Variants in PIGQ observed in about 807,000 individuals in gnomAD.
PIGQ encodes the protein phosphatidylinositol glycan anchor biosynthesis class Q.
PIGQ carries 54 observed loss-of-function variants against 60.3 expected under a neutral mutation model. The observed-to-expected ratio is 0.90, with a 90% confidence interval of 0.72 to 1.12. The LOEUF (loss-of-function observed/expected upper bound fraction) is 1.12. PIGQ is among the 50% of genes most tolerant of loss of function. The pLI, the probability that PIGQ is intolerant of heterozygous loss-of-function variation, is 0.00. For synonymous variants in PIGQ, 416 were observed against 363.7 expected (o/e 1.14, Z -1.64); for missense variants, 799 against 793.5 (o/e 1.01, Z -0.08).
At position 578,807 on chromosome 16, in the gene PIGQ, C is replaced by T. The variant is rs1440647454; in HGVS notation, c.1092C>T (p.Pro364=). The change falls in exon 6 of 11, where the codon CCC becomes CCT. Residue 364 remains proline, a synonymous_variant. Coordinates refer to ENST00000321878, the MANE Select transcript of PIGQ (RefSeq NM_004204.5). Reference sequence around the variant, plus strand: ...CAGGCTACATCCACCTCATGTCCCCCTTCGTGGAGCACATCCTTTGGCACG... The same window carrying T: ...CAGGCTACATCCACCTCATGTCCCCTTTCGTGGAGCACATCCTTTGGCACG... ...LWISYIHLMS[P]FVEHILWHVG... 6.2e-7 allele frequency: 1 copy of T among 1,613,652 alleles called. No individual in the cohort carries two copies. Among genetic ancestry groups the T allele is most frequent in the African/African-American group, 1.3e-5 (1 of 74,950 alleles).
At position 574,447 on chromosome 16, in the gene PIGQ, CAGG is replaced by C; in HGVS notation, c.374_376del (p.Gln125_Val126delinsLeu). 6.2e-7 allele frequency: 1 copy of C among 1,610,920 alleles called. No homozygotes were observed. Among genetic ancestry groups the C allele is most frequent in the Non-Finnish European group, 8.5e-7 (1 of 1,179,252 alleles). Reference sequence around the variant, plus strand: ...TGCCCCCGGTGCCCCTGGTGAGGACCAGGTCATGCTCATCTTCTATGACCAGCG... The same window carrying C: ...TGCCCCCGGTGCCCCTGGTGAGGACCTCATGCTCATCTTCTATGACCAGCG... On this transcript the variant is annotated inframe_deletion, in exon 2 of 11. Transcript: ENST00000321878.
chr16:583,785 T>C lies in PIGQ; in HGVS notation c.*750T>C, dbSNP rs1007396590. The C allele has an allele frequency of 2.0e-5, 17 of 856,800 alleles. No individual in the cohort carries two copies. The highest frequency in any genetic ancestry group is 2.9e-5 in the Non-Finnish European group (15 of 523,664). The allele number at this position is 856,800 out of a possible 1,614,324, so 53.1% of individuals were successfully genotyped here. ...CTGCGGCCAAATCTGTCTCCCTTCA[T>C]GGGCCTCCCAGGGAAGGAGGAAGCC... On this transcript the variant is annotated 3_prime_UTR_variant, in exon 11 of 11. Transcript: ENST00000321878.
At chr16:581,926 G>A in intron 9 of PIGQ, 1 of 377,644 alleles carries the variant, frequency 2.6e-6, no homozygotes, top group Non-Finnish European at 5.1e-6. Context: ...ATCACACCCG[G>A]CTAATTTTTG....
rs116181025 is a variant in PIGQ, at chr16:572,516, C to A, written c.-9-1550C>A. On this transcript the variant is annotated intron_variant, in intron 1 of 10. Transcript: ENST00000321878. ...CCTCCAAGCTTCGGGAGAGGACTTA[C>A]AGGTCACACCACCCCGACGTGTGCA... The A allele has an allele frequency of 1.6e-3, 710 of 456,242 alleles. 4 individuals carry two copies. The highest frequency in any genetic ancestry group is 0.013 in the African/African-American group (635 of 50,172). The allele number at this position is 456,242 out of a possible 1,614,324, so 28.3% of individuals were successfully genotyped here. A position where few individuals can be genotyped will look rare whatever the true frequency, so the allele number is the denominator to read the frequency against.
chr16:574,795 AGTGGG>A (rs2035693479), intron 2 of PIGQ, 32 bp downstream of exon 2: 2 of 1,477,182 alleles, frequency 1.4e-6, no homozygotes, highest in Non-Finnish European at 1.8e-6. Flanking sequence ...GGTGGCAAAG[AGTGGG>A]GTCCCATGAG....
chr16:582,686 C>T, intron 10 of PIGQ, 197 bp from the exon 11 acceptor site: 1 of 664,142 alleles, frequency 1.5e-6, no homozygotes, highest in Non-Finnish European at 2.6e-6. Context: ...GGAGATGCAG[C>T]TTCTGCCTCC....
At chr16:576,318 A>G in intron 4 of PIGQ, 64 bp downstream of exon 4, 1 of 1,501,184 alleles carries the variant, frequency 6.7e-7, no homozygotes, top group Non-Finnish European at 8.9e-7. Context: ...TGGGCAGCAG[A>G]GCCTTCCCGG....
Position 579,255 on chromosome 16 carries a change from G to A in PIGQ, c.1335+75G>A. On this transcript the variant is annotated intron_variant, in intron 7 of 10. Coordinates refer to ENST00000321878, the MANE Select transcript of PIGQ (RefSeq NM_004204.5). The stretch of plus-strand genomic sequence containing the variant: ...CCCGCTGGGCCAGCGCGGTGCTTGG[G>A]CACCACAAGGGGGCAGCCTGCTCCC... The A allele has an allele frequency of 2.5e-6, 3 of 1,211,032 alleles. No homozygotes were observed. The South Asian group carries it at 3.7e-5, about 15-fold the overall frequency. The allele number at this position is 1,211,032 out of a possible 1,614,324, so 75.0% of individuals were successfully genotyped here.
chr16:578,473 G>A lies in PIGQ; in HGVS notation c.1037G>A (p.Arg346His), dbSNP rs148226378. 4.0e-5 allele frequency: 65 copies of A among 1,612,502 alleles called. No individual in the cohort carries two copies. Among genetic ancestry groups the A allele is most frequent in the South Asian group, 8.8e-5 (8 of 91,080 alleles). ...CGTGCACTGGACCAGGTGCTGGGCC[G>A]CTTCTTCCTCTACCACATCCACCTG... ...MNRALDQVLG[R>H]FFLYHIHLWI... is the part of the protein sequence containing the mutation. The change falls in exon 5 of 11, where the codon CGC becomes CAC. Residue 346 changes from arginine (R) to histidine (H), a missense_variant. Transcript: ENST00000321878.
At position 574,511 on chromosome 16, in the gene PIGQ, T is replaced by A; in HGVS notation, c.437T>A (p.Val146Asp). 1.9e-6 allele frequency: 3 copies of A among 1,608,158 alleles called. No individual in the cohort carries two copies. Among genetic ancestry groups the A allele is most frequent in the South Asian group, 1.1e-5 (1 of 90,234 alleles). Residue 146 changes from valine to aspartate, a missense_variant, in exon 2 of 11, where the codon GTC (valine) becomes GAC (aspartate). Transcript: ENST00000321878. ...VLLSQLHLPT[V>D]LPDRQAGATT... is the part of the protein sequence containing the mutation. The stretch of plus-strand genomic sequence containing the variant: ...CTGTCACAGCTACACCTGCCCACCG[T>A]CCTGCCCGACCGCCAGGCTGGAGCC...
At chr16:579,971 C>T (rs943605585) in intron 7 of PIGQ, 71 of 463,220 alleles carry the variant, frequency 1.5e-4, no homozygotes, top group Middle Eastern at 5.6e-4. Context: ...GGTGGTCTGG[C>T]CCCCACCTGT....
At chr16:582,829 C>T in intron 10 of PIGQ, 54 bp from the exon 11 acceptor site, 5 of 1,533,858 alleles carry the variant, frequency 3.3e-6, no homozygotes, top group Non-Finnish European at 4.4e-6. Context: ...CCTCTCTCTG[C>T]AGACGGGGTT....
Position 582,138 on chromosome 16 carries a change from C to T in PIGQ, c.1532-110C>T, listed in dbSNP as rs4262946. On this transcript the variant is annotated intron_variant, in intron 9 of 10. Coordinates refer to ENST00000321878, the MANE Select transcript of PIGQ (RefSeq NM_004204.5). The stretch of plus-strand genomic sequence containing the variant: ...GCGGGGAGAGCTTCGTGGGTGGCCA[C>T]GGCCAGCAGCACCCGGGTGCCCCTC... The T allele has an allele frequency of 0.41, 333,570 of 807,324 alleles. 75,239 individuals carry two copies. Among genetic ancestry groups the T allele is most frequent in the East Asian group, 0.67 (24,699 of 37,076 alleles). The allele number at this position is 807,324 out of a possible 1,614,324, so 50.0% of individuals were successfully genotyped here. A position where few individuals can be genotyped will look rare whatever the true frequency, so the allele number is the denominator to read the frequency against.
chr16:578,657 G>T, intron 5 of PIGQ, 128 bp from the exon 6 acceptor site: 1 of 1,406,338 alleles, frequency 7.1e-7, no homozygotes, highest in Non-Finnish European at 9.8e-7. Context: ...GCTGGGGCCT[G>T]GGCACCTCCC....
intron 1 of PIGQ, chr16:572,680 C>T (rs893840464): frequency 6.2e-5 from 28 of 454,210 alleles, no homozygotes; most frequent in Admixed American, 1.4e-4. Flanking sequence ...TCCCTAAGGG[C>T]GTGGTGGGCA....
rs1445684819 is a variant in PIGQ at position 574,438 on chromosome 16, G to A, written c.364G>A (p.Gly122Ser). 6.2e-7 allele frequency: 1 copy of A among 1,610,906 alleles called. No homozygotes were observed. Among genetic ancestry groups the A allele is most frequent in the South Asian group, 1.1e-5 (1 of 90,652 alleles). Residue 122 changes from glycine to serine, a missense_variant, in exon 2 of 11, where the codon GGT (glycine) becomes AGT (serine). Transcript: ENST00000321878. ...AGCGCCCACTGCCCCCGGTGCCCCTGGTGAGGACCAGGTCATGCTCATCTT... is the reference window on the plus strand; with the variant it reads ...AGCGCCCACTGCCCCCGGTGCCCCTAGTGAGGACCAGGTCATGCTCATCTT... The part of the protein sequence containing the change: ...RQAPTAPGAP[G>S]EDQVMLIFYD...
At chr16:577,384 T>A (rs531242990) in intron 4 of PIGQ, 2 of 151,664 alleles carry the variant, frequency 1.3e-5, no homozygotes, top group Non-Finnish European at 2.9e-5. Flanking sequence ...GAGACCATCC[T>A]GGCTAACACA....
chr16:580,608 C>G (rs550704169), intron 8 of PIGQ: 3 of 562,256 alleles, frequency 5.3e-6, no homozygotes, highest in East Asian at 2.9e-5. Context: ...TCCCAGGCCT[C>G]GATCCCCTCT....
chr16:578,251 C>T (rs1490763816), intron 4 of PIGQ, 128 bp from the exon 5 acceptor site: 2 of 953,188 alleles, frequency 2.1e-6, no homozygotes, highest in African/African-American at 3.3e-5. Context: ...GCTGTCCACG[C>T]TAGGACGCGG....
Sources: gnomAD v4.1 joint callset for allele counts on GRCh38, gnomAD v4.1.1 for gene constraint, MANE v1.5 for transcripts, NCBI Gene and HGNC (gene_info 2026-07-23, HGNC 2026-07-21) for gene names.